FRMD4B: variants seen among roughly 807,000 people sequenced by gnomAD.
FRMD4B encodes the protein FERM domain containing 4B.
Under a neutral mutation model 141.5 loss-of-function variants are expected in FRMD4B, and 74 were observed. The ratio of observed to expected loss-of-function variants is 0.52; its 90% CI spans 0.43 to 0.63. FRMD4B has a LOEUF of 0.63. Ranked by LOEUF, FRMD4B falls within the 30% of genes least tolerant of loss-of-function variation. FRMD4B has a pLI of 0.00. For missense variants in FRMD4B, 1,366 were observed against 1,253.4 expected (o/e 1.09, Z -1.36); for synonymous variants, 506 against 467.9 (o/e 1.08, Z -1.05).
intron 1 of FRMD4B, among the ~76,000 whole-genome samples, chr3:69,441,963 G>A (rs1705349933): frequency 6.6e-6 from 1 of 152,024 alleles, no homozygotes; most frequent in African/African-American, 2.4e-5. Context: ...TGTCTATTCG[G>A]CCCATTTCTA....
At position 69,370,060 on chromosome 3, in the gene FRMD4B, A is replaced by G. The variant is rs945598727; in HGVS notation, c.162+15768T>C. ...AAAGAGTTGGGGAAAGCAAGCTTTT[A>G]ATTAAACACTAATAAAGGCCAGAAA... On this transcript the variant is annotated intron_variant, in intron 1 of 22. Transcript: ENST00000398540. Among the ~76,000 whole-genome samples, 10 of 152,112 alleles carry G rather than the reference A, an allele frequency of 6.6e-5. No homozygotes were observed. In the East Asian group the frequency reaches 1.9e-3, roughly 29 times the overall value.
At chr3:69,460,744 A>T (rs2106918615) in intron 1 of FRMD4B, among the ~76,000 whole-genome samples, 1 of 152,318 alleles carries the variant, frequency 6.6e-6, no homozygotes, top group East Asian at 1.9e-4. Context: ...GGTTACCCAC[A>T]GCACACAGCT....
intron 1 of FRMD4B, among the ~76,000 whole-genome samples, chr3:69,502,555 G>A (rs1706516151): frequency 6.6e-6 from 1 of 152,046 alleles, no homozygotes. Flanking sequence ...AGACTTAAAT[G>A]TTAGAACTAA....
intron 2 of FRMD4B, among the ~76,000 whole-genome samples, chr3:69,398,023 G>GA (rs538396484): frequency 4.1e-4 from 62 of 151,884 alleles, no homozygotes; most frequent in African/African-American, 1.4e-3. Context: ...TCTTGATTTG[G>GA]AAAAAAATCC....
At chr3:69,228,113 AAGG>A (rs2093271625) in intron 7 of FRMD4B, among the ~76,000 whole-genome samples, 2 of 152,206 alleles carry the variant, frequency 1.3e-5, no homozygotes, top group Admixed American at 1.3e-4. Context: ...ACAACTGAGG[AAGG>A]AGGTGTTACT....
At chr3:69,208,438 G>T (rs779849129) in intron 11 of FRMD4B, among the ~76,000 whole-genome samples, 1 of 152,140 alleles carries the variant, frequency 6.6e-6, no homozygotes, top group Non-Finnish European at 1.5e-5. Context: ...GACCTCAAGT[G>T]ATCCGCCTAC....
chr3:69,497,222 T>G (rs555479074), intron 1 of FRMD4B, among the ~76,000 whole-genome samples: 1 of 152,354 alleles, frequency 6.6e-6, no homozygotes, highest in African/African-American at 2.4e-5. Flanking sequence ...GACCTACAGC[T>G]AATGAGTACC....
intron 5 of FRMD4B, among the ~76,000 whole-genome samples, chr3:69,281,830 A>AT (rs1288190595): frequency 4.1e-4 from 17 of 41,528 alleles, no homozygotes; most frequent in African/African-American, 1.1e-3. Flanking sequence ...TCTCAAAAAA[A>AT]AAAAAAAAAT....
intron 7 of FRMD4B, among the ~76,000 whole-genome samples, chr3:69,247,141 G>C (rs1023805299): frequency 6.6e-6 from 1 of 152,046 alleles, no homozygotes; most frequent in Non-Finnish European, 1.5e-5. Context: ...ATAGCCCAAG[G>C]GTGTAGATTA....
chr3:69,403,670 A>G (rs1704604273), intron 2 of FRMD4B, among the ~76,000 whole-genome samples: 1 of 152,206 alleles, frequency 6.6e-6, no homozygotes, highest in East Asian at 1.9e-4. Context: ...TTAAATATAC[A>G]CCTAACGCAA....
intron 1 of FRMD4B, among the ~76,000 whole-genome samples, chr3:69,374,961 C>G (rs144642269): frequency 6.6e-6 from 1 of 152,110 alleles, no homozygotes; most frequent in African/African-American, 2.4e-5. Flanking sequence ...ATTTGCCAGA[C>G]ATCCATCCAA....
intron 11 of FRMD4B, among the ~76,000 whole-genome samples, chr3:69,212,381 G>GAAAAAGA (rs2093093405): frequency 1.3e-4 from 12 of 95,640 alleles, no homozygotes; most frequent in African/African-American, 4.8e-4. Flanking sequence ...AAAAAAAAAA[G>GAAAAAGA]AAAAAAAAAA....
chr3:69,187,244 G>C (rs1284445337), intron 19 of FRMD4B, among the ~76,000 whole-genome samples: 1 of 152,034 alleles, frequency 6.6e-6, no homozygotes, highest in African/African-American at 2.4e-5. Flanking sequence ...CATTTTAAAA[G>C]ACTTCTTAAA....
chr3:69,474,787 G>A (rs574713958), intron 1 of FRMD4B, among the ~76,000 whole-genome samples: 2 of 152,262 alleles, frequency 1.3e-5, no homozygotes, highest in South Asian at 4.1e-4. Context: ...AAGATAGACA[G>A]GGTTCCTGCC....
At position 69,196,154 on chromosome 3, in the gene FRMD4B, C is replaced by T. The variant is rs534513413; in HGVS notation, c.1234+101G>A. 49 of 922,988 alleles carry T rather than the reference C, an allele frequency of 5.3e-5. No homozygotes were observed. In the South Asian group the frequency reaches 7.9e-4, roughly 15 times the overall value. The allele number at this position is 922,988 out of a possible 1,614,324, so 57.2% of individuals were successfully genotyped here. On this transcript the variant is annotated intron_variant, in intron 14 of 22. Transcript: ENST00000398540. ...ATACTTATTGACATACTTATTTATTCCCAAAATAATGGATTAAAAGATGAA... is the reference window on the plus strand; with the variant it reads ...ATACTTATTGACATACTTATTTATTTCCAAAATAATGGATTAAAAGATGAA...
intron 19 of FRMD4B, among the ~76,000 whole-genome samples, chr3:69,184,792 A>T (rs746623156): frequency 2.0e-5 from 3 of 152,226 alleles, no homozygotes; most frequent in Non-Finnish European, 2.9e-5. Flanking sequence ...TCTGACCAAT[A>T]TGATAGCCAC....
chr3:69,397,048 A>G (rs1397186551), intron 2 of FRMD4B, among the ~76,000 whole-genome samples: 1 of 152,220 alleles, frequency 6.6e-6, no homozygotes. Flanking sequence ...TCACACACAC[A>G]AATTTGGACA....
chr3:69,514,061 A>G (rs1231663127), intron 1 of FRMD4B, among the ~76,000 whole-genome samples: 1 of 152,192 alleles, frequency 6.6e-6, no homozygotes, highest in African/African-American at 2.4e-5. Context: ...CAGAGCAATT[A>G]GGCAAGAAAA....
chr3:69,260,839 C>A (rs1663221401), intron 5 of FRMD4B, among the ~76,000 whole-genome samples: 1 of 152,214 alleles, frequency 6.6e-6, no homozygotes, highest in Non-Finnish European at 1.5e-5. Flanking sequence ...GTCTAGCTAA[C>A]CTAGTAGGCA....
Sources: allele counts gnomAD v4.1 joint callset (sites outside exome capture counted in the v4.1 genomes callset), GRCh38; gene constraint gnomAD v4.1.1; transcripts MANE v1.5; gene names NCBI Gene and HGNC (gene_info 2026-07-23, HGNC 2026-07-21).